The following CALN1 variants were observed in gnomAD, a reference collection of about 807,000 sequenced individuals.
The protein encoded by CALN1 is calneuron 1.
CALN1 carries 17 observed loss-of-function variants against 30.6 expected under a neutral mutation model. The ratio of observed to expected loss-of-function variants is 0.56; its 90% confidence interval spans 0.38 to 0.83. The LOEUF is 0.83. Among genes scored for constraint, CALN1 ranks in the 40% least tolerant of loss-of-function variants. The pLI is 0.00. For synonymous variants in CALN1, 156 were observed against 131.4 expected (o/e 1.19, Z -1.28); for missense variants, 291 against 354.9 (o/e 0.82, Z 1.45).
chr7:71,789,970 G>T (rs770786835), intron 6 of CALN1, among the ~76,000 whole-genome samples: 5 of 151,850 alleles, frequency 3.3e-5, no homozygotes, highest in African/African-American at 4.8e-5. Flanking sequence ...GGGTGTCGTT[G>T]GTGCATGCCT....
intron 5 of CALN1, among the ~76,000 whole-genome samples, chr7:71,920,334 T>C (rs1415259619): frequency 3.1e-5 from 4 of 127,354 alleles, no homozygotes; most frequent in African/African-American, 1.7e-4. Context: ...TTAGTTCTTT[T>C]TTTTTTTTTT....
chr7:72,411,164 C>T (rs934541381), intron 1 of CALN1, among the ~76,000 whole-genome samples: 4 of 152,016 alleles, frequency 2.6e-5, no homozygotes, highest in Non-Finnish European at 5.9e-5. Context: ...TTGAAAAAAA[C>T]TATCAAAAGG....
chr7:72,167,038 A>G (rs969805649), intron 3 of CALN1, among the ~76,000 whole-genome samples: 12 of 151,918 alleles, frequency 7.9e-5, no homozygotes, highest in East Asian at 1.9e-4. Context: ...TGTCTCAAGG[A>G]AAAAAAAAGA....
chr7:72,308,194 C>T (rs1275341189), intron 2 of CALN1, among the ~76,000 whole-genome samples: 6 of 152,076 alleles, frequency 3.9e-5, no homozygotes, highest in African/African-American at 2.4e-5. Context: ...CAAAACCTCA[C>T]CTCTACTAAA....
At chr7:71,861,526 A>T (rs1418027609) in intron 5 of CALN1, among the ~76,000 whole-genome samples, 1 of 152,046 alleles carries the variant, frequency 6.6e-6, no homozygotes, top group Non-Finnish European at 1.5e-5. Flanking sequence ...CTGTAATCCC[A>T]ACACGTTGGG....
At chr7:72,252,740 A>T (rs1353605728) in intron 3 of CALN1, among the ~76,000 whole-genome samples, 1 of 152,078 alleles carries the variant, frequency 6.6e-6, no homozygotes, top group Admixed American at 6.6e-5. Context: ...GATTATTACA[A>T]AGCCTCCATG....
At chr7:72,077,753 T>C (rs1467989913) in intron 4 of CALN1, among the ~76,000 whole-genome samples, 1 of 152,204 alleles carries the variant, frequency 6.6e-6, no homozygotes, top group Non-Finnish European at 1.5e-5. Flanking sequence ...ACCACACCCA[T>C]TGTGCTTGCA....
chr7:71,917,336 T>C (rs1001240401), intron 5 of CALN1, among the ~76,000 whole-genome samples: 6 of 152,232 alleles, frequency 3.9e-5, no homozygotes, highest in African/African-American at 1.2e-4. Context: ...GAGTATGTTC[T>C]AGAGGTCTAA....
Position 72,374,013 on chromosome 7 carries a change from G to C in CALN1, c.119+29238C>G, listed in dbSNP as rs549117709. ...TATTAAACCAAGAACTCTATATCCA[G>C]TGGAAATATCCTTCAGGAATGAAGG... is the stretch of plus-strand genomic sequence containing the variant. On this transcript the variant is annotated intron_variant, in intron 2 of 6. Coordinates refer to ENST00000395275, the MANE Select transcript of CALN1 (RefSeq NM_031468.4). Among the ~76,000 whole-genome samples, 63 of 152,264 alleles carry C rather than the reference G, an allele frequency of 4.1e-4. 2 individuals are homozygous for C. The highest frequency in any genetic ancestry group is 1.2e-4 in the Non-Finnish European group (8 of 68,032).
At chr7:72,175,714 C>T (rs1015065838) in intron 3 of CALN1, among the ~76,000 whole-genome samples, 2 of 151,714 alleles carry the variant, frequency 1.3e-5, no homozygotes, top group Non-Finnish European at 2.9e-5. Flanking sequence ...TGAGAACAAA[C>T]GCCGCCACTT....
rs545558742 is a variant in CALN1, at chr7:72,148,134, C to G, written c.245-41840G>C. ...AAAAACAACCAACCAACCAACCAAA[C>G]AAACAAACAGAAAAAAAAAAAAGAA... On this transcript the variant is annotated intron_variant, in intron 3 of 6. Transcript: ENST00000395275. Among the ~76,000 whole-genome samples, 5 of 135,594 alleles carry G rather than the reference C, an allele frequency of 3.7e-5. No homozygotes were observed. The East Asian group carries it at 1.4e-3, about 37-fold the overall frequency. 89.0% of individuals were successfully genotyped at this position (135,594 alleles called of 152,430 possible).
At chr7:72,038,909 G>T (rs1801962809) in intron 4 of CALN1, among the ~76,000 whole-genome samples, 2 of 152,218 alleles carry the variant, frequency 1.3e-5, no homozygotes, top group Admixed American at 6.5e-5. Flanking sequence ...CAGCCCTCAT[G>T]GCTGCTCTGC....
rs918314584 is a variant in CALN1, at chr7:71,960,551, C to A, written c.501+63106G>T. Among the ~76,000 whole-genome samples the A allele has an allele frequency of 3.3e-5, 5 of 152,114 alleles. No homozygotes were observed. The East Asian group carries it at 7.7e-4, about 23-fold the overall frequency. ...AGTAGTATTCCATGGTGTCTATGTA[C>A]CACATTTTCTTTATCCATTCCTCCA... On this transcript the variant is annotated intron_variant, in intron 5 of 6. Coordinates refer to ENST00000395275, the MANE Select transcript of CALN1 (RefSeq NM_031468.4).
intron 2 of CALN1, among the ~76,000 whole-genome samples, chr7:72,380,688 T>C (rs1804837563): frequency 6.6e-6 from 1 of 150,794 alleles, no homozygotes; most frequent in Admixed American, 6.6e-5. Flanking sequence ...GATGGATGGA[T>C]GGATACATAC....
chr7:72,205,598 CATTT>C (rs898042526), intron 3 of CALN1, among the ~76,000 whole-genome samples: 2 of 91,054 alleles, frequency 2.2e-5, no homozygotes, highest in African/African-American at 5.4e-5. Flanking sequence ...TCAGGAGAAA[CATTT>C]ATAATATATA....
At chr7:72,079,725 T>C (rs2129538582) in intron 4 of CALN1, among the ~76,000 whole-genome samples, 1 of 149,942 alleles carries the variant, frequency 6.7e-6, no homozygotes, top group South Asian at 2.2e-4. Context: ...GCCCTTCAAC[T>C]AGGCCTGTGC....
At chr7:72,499,180 G>A in the CALN1 span, among the ~76,000 whole-genome samples, 1 of 151,912 alleles carries the variant, frequency 6.6e-6, no homozygotes, top group Non-Finnish European at 1.5e-5. Context: ...ACAGGAACCT[G>A]CCACCACACC....
the CALN1 span, among the ~76,000 whole-genome samples, chr7:72,500,898 T>G: frequency 5.3e-5 from 8 of 152,166 alleles, no homozygotes; most frequent in African/African-American, 1.7e-4. Context: ...TGTATAAGAA[T>G]GTTTACATAA....
intron 2 of CALN1, among the ~76,000 whole-genome samples, chr7:72,355,313 G>T (rs1242184667): frequency 6.6e-6 from 1 of 152,040 alleles, no homozygotes; most frequent in African/African-American, 2.4e-5. Context: ...ACCACTTGAG[G>T]CCAGGAGTTC....
Sources: allele counts gnomAD v4.1 joint callset (sites outside exome capture counted in the v4.1 genomes callset), GRCh38; gene constraint gnomAD v4.1.1; transcripts MANE v1.5; gene names NCBI Gene and HGNC (gene_info 2026-07-23, HGNC 2026-07-21).